The following R3HDM1 variants were observed in gnomAD, a reference collection of about 807,000 sequenced individuals.
The protein encoded by R3HDM1 is R3H domain containing 1.
R3HDM1 carries 46 observed loss-of-function variants against 141.1 expected under a neutral mutation model. The observed-to-expected ratio is 0.33, with a 90% CI of 0.26 to 0.42. The LOEUF (loss-of-function observed/expected upper bound fraction) is 0.42. R3HDM1 is among the 10% of genes least tolerant of loss of function. The probability of loss-of-function intolerance (pLI) is 1.00; values close to 1 mark genes in which losing one functional copy is unlikely to be tolerated. For synonymous variants in R3HDM1, 435 were observed against 472.9 expected (o/e 0.92, Z 1.04); for missense variants, 1,184 against 1,368.3 (o/e 0.87, Z 2.12).
chr2:135,718,536 G>A (rs2076384731), intron 24 of R3HDM1, among the ~76,000 whole-genome samples: 1 of 152,082 alleles, frequency 6.6e-6, no homozygotes, highest in African/African-American at 2.4e-5. Flanking sequence ...AGGCTGCAGT[G>A]CAGTGGTGCA....
chr2:135,535,096 T>TA (rs1695751575), intron 1 of R3HDM1, among the ~76,000 whole-genome samples: 1 of 152,294 alleles, frequency 6.6e-6, no homozygotes, highest in African/African-American at 2.4e-5. Flanking sequence ...TAACAAATGG[T>TA]AATGTAATTT....
chr2:135,621,654 G>A (rs1200490394), intron 6 of R3HDM1, 46 bp downstream of exon 6: 1 of 1,470,722 alleles, frequency 6.8e-7, no homozygotes, highest in South Asian at 1.4e-5. Flanking sequence ...TTTGCTATCA[G>A]TAATTCCATC....
chr2:135,699,053 TAA>T (rs2073823333), intron 21 of R3HDM1, among the ~76,000 whole-genome samples: 2 of 137,786 alleles, frequency 1.5e-5, no homozygotes, highest in Admixed American at 1.5e-4. Flanking sequence ...ATAAGATAGA[TAA>T]GATAGATTGA....
In R3HDM1 at chr2:135,605,018, T is replaced by C; in HGVS notation, c.171+2T>C. On this transcript the variant is annotated splice_donor_variant, in intron 3 of 26. Coordinates refer to ENST00000683871, the MANE Select transcript of R3HDM1 (RefSeq NM_001378107.1). LOFTEE classifies it high-confidence loss of function. ...ATTGAGAACAATATAGATTTGCAGG[T>C]AAACAGGAATTTTTCTCTGGCTACA... 1 of 1,572,826 alleles carries C rather than the reference T, an allele frequency of 6.4e-7. No homozygotes were observed. Among genetic ancestry groups the C allele is most frequent in the African/African-American group, 1.4e-5 (1 of 73,530 alleles).
chr2:135,621,902 C>T (rs2061544841), intron 6 of R3HDM1: 27 of 976,958 alleles, frequency 2.8e-5, no homozygotes, highest in Non-Finnish European at 3.3e-5. Flanking sequence ...TATATTGATT[C>T]ATCTAAGGAT....
At chr2:135,660,398 C>T (rs1475695532) in intron 18 of R3HDM1, among the ~76,000 whole-genome samples, 1 of 152,110 alleles carries the variant, frequency 6.6e-6, no homozygotes, top group African/African-American at 2.4e-5. Flanking sequence ...TAAATAATTT[C>T]ATGCATGATG....
At chr2:135,718,712 G>A (rs2076402218) in intron 24 of R3HDM1, among the ~76,000 whole-genome samples, 1 of 151,958 alleles carries the variant, frequency 6.6e-6, no homozygotes, top group South Asian at 2.1e-4. Flanking sequence ...GAACTCCTTG[G>A]CTCAAGCAGT....
chr2:135,696,871 C>T (rs916407270), intron 21 of R3HDM1, among the ~76,000 whole-genome samples: 1 of 152,044 alleles, frequency 6.6e-6, no homozygotes, highest in African/African-American at 2.4e-5. Context: ...TTATTAAAAA[C>T]AAGAGTAAGA....
intron 3 of R3HDM1, among the ~76,000 whole-genome samples, chr2:135,614,414 G>T (rs956909898): frequency 9.2e-5 from 14 of 152,004 alleles, no homozygotes; most frequent in Non-Finnish European, 2.1e-4. Context: ...TTTAATAATC[G>T]ATTACATTTA....
intron 18 of R3HDM1, among the ~76,000 whole-genome samples, chr2:135,652,773 A>AT (rs2065283732): frequency 1.3e-5 from 2 of 152,128 alleles, no homozygotes; most frequent in South Asian, 2.1e-4. Context: ...AAAGCTGTAG[A>AT]TTTTTTGCAG....
At chr2:135,693,120 A>T (rs550480693) in intron 21 of R3HDM1, among the ~76,000 whole-genome samples, 15 of 152,390 alleles carry the variant, frequency 9.8e-5, no homozygotes, top group African/African-American at 3.6e-4. Flanking sequence ...ATAAGTTTCC[A>T]TAAATTTTTA....
At chr2:135,605,230 C>G (rs2059943651) in intron 3 of R3HDM1, 2 of 319,312 alleles carry the variant, frequency 6.3e-6, no homozygotes, top group East Asian at 1.2e-4. Context: ...TTGTATGTGG[C>G]TAGTGCATTT....
rs1415750274 is a variant in R3HDM1 at position 135,699,037 on chromosome 2, A to AGATTGATT, written c.2460-10393_2460-10392insTGATTGAT. 2.2e-3 allele frequency among the ~76,000 whole-genome samples: 218 copies of AGATTGATT among 99,894 alleles called. 4 individuals are homozygous for AGATTGATT. Among genetic ancestry groups the AGATTGATT allele is most frequent in the Middle Eastern group, 0.014 (3 of 218 alleles). 65.5% of individuals were successfully genotyped at this position (99,894 alleles called of 152,430 possible). A position where few individuals can be genotyped will look rare whatever the true frequency, so the allele number is the denominator to read the frequency against. ...TAGATAGATAGATAGATAGATAGATAGATAGATAAGATAGATAAGATAGAT... is the reference window on the plus strand; with the variant it reads ...TAGATAGATAGATAGATAGATAGATAGATTGATTGATAGATAAGATAGATAAGATAGAT... On this transcript the variant is annotated intron_variant, in intron 21 of 26. Transcript: ENST00000683871.
At chr2:135,620,824 A>G in intron 5 of R3HDM1, 1 of 192,096 alleles carries the variant, frequency 5.2e-6, no homozygotes, top group Non-Finnish European at 9.6e-6. Context: ...TTTTAAAATA[A>G]AACATGAATT....
At position 135,557,568 on chromosome 2, in the gene R3HDM1, G is replaced by A. The variant is rs1437985154; in HGVS notation, c.-250+25935G>A. Among the ~76,000 whole-genome samples the A allele has an allele frequency of 4.6e-5, 7 of 152,236 alleles. No homozygotes were observed. In the East Asian group the frequency reaches 1.2e-3, roughly 25 times the overall value. Reference sequence around the variant, plus strand: ...TTCTGTAGACAGCTTCTTTCATGTTGCCAGGAAAAATTGGTTACTATAAAT... The same window carrying A: ...TTCTGTAGACAGCTTCTTTCATGTTACCAGGAAAAATTGGTTACTATAAAT... On this transcript the variant is annotated intron_variant, in intron 1 of 26. Coordinates refer to ENST00000683871, the MANE Select transcript of R3HDM1 (RefSeq NM_001378107.1).
intron 1 of R3HDM1, among the ~76,000 whole-genome samples, chr2:135,557,718 G>A (rs1454851467): frequency 6.6e-6 from 1 of 152,158 alleles, no homozygotes; most frequent in East Asian, 1.9e-4. Context: ...CTGTGGCCAG[G>A]GACTGGAGTA....
chr2:135,539,336 T>C (rs147147778), intron 1 of R3HDM1, among the ~76,000 whole-genome samples: 121 of 152,352 alleles, frequency 7.9e-4, no homozygotes, highest in East Asian at 1.7e-3. Context: ...CATATAGCAG[T>C]GCAGTAGGTT....
At chr2:135,670,238 AAT>A (rs1421778065) in intron 19 of R3HDM1, 2 of 758,354 alleles carry the variant, frequency 2.6e-6, no homozygotes, top group African/African-American at 3.8e-5. Flanking sequence ...TTAAAATGAA[AAT>A]ATAATTTTAA....
rs550799520 is a variant in R3HDM1, at chr2:135,565,296, C to A, written c.-250+33663C>A. Reference sequence around the variant, plus strand: ...AGCCCTCCTTGCACTTGGCAAAATTCTCTTCTGTCCTTGCCAATGAAAAAA... The same window carrying A: ...AGCCCTCCTTGCACTTGGCAAAATTATCTTCTGTCCTTGCCAATGAAAAAA... On this transcript the variant is annotated intron_variant, in intron 1 of 26. Coordinates refer to ENST00000683871, the MANE Select transcript of R3HDM1 (RefSeq NM_001378107.1). Among the ~76,000 whole-genome samples the A allele has an allele frequency of 4.0e-5, 6 of 150,276 alleles. No individual in the cohort carries two copies. The East Asian group carries it at 1.2e-3, about 29-fold the overall frequency.
Sources: gnomAD v4.1 joint callset for allele counts (sites outside exome capture counted in the v4.1 genomes callset) on GRCh38, gnomAD v4.1.1 for gene constraint, MANE v1.5 for transcripts, NCBI Gene and HGNC (gene_info 2026-07-23, HGNC 2026-07-21) for gene names.